The following DYNC2I1 variants were observed in gnomAD, a reference collection of about 807,000 sequenced individuals.
DYNC2I1 encodes dynein 2 intermediate chain 1, also known as cytoplasmic dynein 2 intermediate chain 1.
In DYNC2I1, 89 loss-of-function variants were observed where a neutral mutation model predicts 133.4. The observed-to-expected ratio is 0.67, with a 90% CI of 0.56 to 0.80. DYNC2I1 has a LOEUF of 0.80. Ranked by LOEUF, DYNC2I1 falls within the 30% of genes least tolerant of loss-of-function variation. DYNC2I1 has a pLI of 0.00. For synonymous variants in DYNC2I1, 504 were observed against 484.3 expected, an observed-to-expected ratio of 1.04 and a Z score of -0.54; for missense variants, 1,291 against 1,314.5, an observed-to-expected ratio of 0.98 and a Z score of 0.28.
the DYNC2I1 span, among the ~76,000 whole-genome samples, chr7:158,842,119 C>T: frequency 6.6e-6 from 1 of 152,214 alleles, no homozygotes; most frequent in African/African-American, 2.4e-5. Flanking sequence ...AGCTCCGCCT[C>T]CAGGATTCAA....
At chr7:158,886,119 A>G (rs1213292416) in intron 6 of DYNC2I1, among the ~76,000 whole-genome samples, 1 of 151,372 alleles carries the variant, frequency 6.6e-6, no homozygotes, top group Non-Finnish European at 1.5e-5. Context: ...AATTATAGAA[A>G]ATTTCTACAA....
chr7:158,864,273 A>T (rs943888383), intron 1 of DYNC2I1, among the ~76,000 whole-genome samples: 1 of 152,116 alleles, frequency 6.6e-6, no homozygotes, highest in Admixed American at 6.5e-5. Context: ...AGGGAACAGG[A>T]TGACGATGTG....
At position 158,945,138 on chromosome 7, in the gene DYNC2I1, G is replaced by A. The variant is rs1380864490; in HGVS notation, c.3003-443G>A. ...GGATGATGGAGGTGCTGGTCCCATG[G>A]AGGCCAGGAGTGGAGGGGTCCGGGG... On this transcript the variant is annotated intron_variant, in intron 24 of 24. Transcript: ENST00000407559. This position sits in a 1 kb window ranked among gnomAD's most constrained non-coding sequence, Gnocchi z 4.1. Among the ~76,000 whole-genome samples the A allele has an allele frequency of 1.3e-5, 2 of 152,138 alleles. No homozygotes were observed. The highest frequency in any genetic ancestry group is 1.3e-4 in the Admixed American group (2 of 15,282).
At position 158,856,812 on chromosome 7, in the gene DYNC2I1, G is replaced by A. The variant is rs1169713700; in HGVS notation, c.15+62G>A. On this transcript the variant is annotated intron_variant, in intron 1 of 24. Transcript: ENST00000407559. ...AGCTTCGCGGACTCCTTCGGGCGCCGCTAGCAGCGCCGCCGCCGCCCTCCC... is the reference window on the plus strand; with the variant it reads ...AGCTTCGCGGACTCCTTCGGGCGCCACTAGCAGCGCCGCCGCCGCCCTCCC... 4.2e-5 allele frequency: 52 copies of A among 1,228,464 alleles called. No homozygotes were observed. In the South Asian group the frequency reaches 6.6e-4, roughly 16 times the overall value. 76.1% of individuals were successfully genotyped at this position (1,228,464 alleles called of 1,614,324 possible).
chr7:158,843,069 G>A, the DYNC2I1 span, among the ~76,000 whole-genome samples: 1 of 152,166 alleles, frequency 6.6e-6, no homozygotes. Context: ...CAGGACCTCC[G>A]CTCCACCTTG....
chr7:158,878,090 C>G (rs539865849), intron 4 of DYNC2I1, among the ~76,000 whole-genome samples: 10 of 147,030 alleles, frequency 6.8e-5, no homozygotes, highest in Admixed American at 1.4e-4. Flanking sequence ...GGAGGGCCGA[C>G]AGTGAGTGCT....
chr7:158,875,113 T>C (rs1843233461), intron 3 of DYNC2I1, among the ~76,000 whole-genome samples: 3 of 123,920 alleles, frequency 2.4e-5, no homozygotes, highest in South Asian at 5.0e-4. Flanking sequence ...TTTTTTTTTC[T>C]GAGAAGGAGT....
intron 12 of DYNC2I1, among the ~76,000 whole-genome samples, chr7:158,911,896 G>T (rs972709008): frequency 6.6e-6 from 1 of 152,240 alleles, no homozygotes; most frequent in African/African-American, 2.4e-5. Flanking sequence ...GCCTTCAGGA[G>T]CTCTGGTGGG....
rs1245015890 is a variant in DYNC2I1 at position 158,910,480 on chromosome 7, G to A, written c.1461-1070G>A. Among the ~76,000 whole-genome samples the A allele has an allele frequency of 6.0e-5, 9 of 148,952 alleles. No individual in the cohort carries two copies. The East Asian group carries it at 1.2e-3, about 20-fold the overall frequency. On this transcript the variant is annotated intron_variant, in intron 11 of 24. Coordinates refer to ENST00000407559, the MANE Select transcript of DYNC2I1 (RefSeq NM_018051.5). The stretch of plus-strand genomic sequence containing the variant: ...TATGTCAGGCCTGTGGGCCGAGTGC[G>A]ATTGGCTGTGTCAGGCCTGTGGGTG...
chr7:158,901,996 C>T (rs1019565011), intron 9 of DYNC2I1, among the ~76,000 whole-genome samples, 180 bp downstream of exon 9: 3 of 152,260 alleles, frequency 2.0e-5, no homozygotes, highest in Admixed American at 6.5e-5. Flanking sequence ...TCTACTAATA[C>T]TTACCAATAT....
intron 1 of DYNC2I1, among the ~76,000 whole-genome samples, chr7:158,859,232 C>G (rs560764291): frequency 6.4e-4 from 97 of 151,604 alleles, no homozygotes; most frequent in African/African-American, 2.2e-3. Context: ...CCTTATTATA[C>G]TGATAGATTG....
intron 19 of DYNC2I1, 63 bp downstream of exon 19, chr7:158,926,526 C>G: frequency 6.4e-7 from 1 of 1,562,840 alleles, no homozygotes; most frequent in Non-Finnish European, 8.7e-7. Flanking sequence ...GTGGAGGTGG[C>G]GCCTGAATGG....
At chr7:158,862,359 T>G (rs1841935456) in intron 1 of DYNC2I1, among the ~76,000 whole-genome samples, 1 of 141,510 alleles carries the variant, frequency 7.1e-6, no homozygotes. Flanking sequence ...TAACATTGAT[T>G]ATTGATTGGT....
chr7:158,942,945 CT>C (rs1851519588), intron 24 of DYNC2I1, among the ~76,000 whole-genome samples: 1 of 152,218 alleles, frequency 6.6e-6, no homozygotes, highest in South Asian at 2.1e-4. Flanking sequence ...TTCACGAAAG[CT>C]TTCGTCATGA....
intron 4 of DYNC2I1, among the ~76,000 whole-genome samples, chr7:158,952,455 G>A (rs767284918): frequency 1.3e-5 from 2 of 152,208 alleles, no homozygotes; most frequent in African/African-American, 2.4e-5. Context: ...GGCCTCTTCC[G>A]TGGCTGAGAT....
At chr7:158,865,154 G>A (rs1842294661) in intron 1 of DYNC2I1, among the ~76,000 whole-genome samples, 1 of 152,224 alleles carries the variant, frequency 6.6e-6, no homozygotes, top group Admixed American at 6.5e-5. Flanking sequence ...TCCCTGAAGT[G>A]AGGTTTTGGC....
chr7:158,948,921 C>T (rs1463367027), downstream of DYNC2I1, among the ~76,000 whole-genome samples: 1 of 152,190 alleles, frequency 6.6e-6, no homozygotes, highest in Non-Finnish European at 1.5e-5. Context: ...CACTAAAATG[C>T]TCAGGAAGAC....
In DYNC2I1 at chr7:158,909,106, G is replaced by A. The variant is rs934509884; in HGVS notation, c.1461-2444G>A. ...AGCACTTTGGAAGACTGAGGCGGGC[G>A]GATCACCTGAGGTCAGGAGTTCGAG... On this transcript the variant is annotated intron_variant, in intron 11 of 24. Transcript: ENST00000407559. Among the ~76,000 whole-genome samples, 23 of 151,974 alleles carry A rather than the reference G, an allele frequency of 1.5e-4. No individual in the cohort carries two copies. The South Asian group carries it at 2.9e-3, about 19-fold the overall frequency.
chr7:158,842,231 A>G, the DYNC2I1 span, among the ~76,000 whole-genome samples: 3 of 152,056 alleles, frequency 2.0e-5, no homozygotes, highest in African/African-American at 7.2e-5. Context: ...GTTTCACCAT[A>G]TTGGTCAGGC....
Sources: allele counts gnomAD v4.1 joint callset (sites outside exome capture counted in the v4.1 genomes callset), GRCh38; gene constraint gnomAD v4.1.1; non-coding constraint Gnocchi (gnomAD v3.1); transcripts MANE v1.5; gene names NCBI Gene and HGNC (gene_info 2026-07-23, HGNC 2026-07-21).